Variants in DNAH3 observed in about 807,000 individuals in gnomAD.
DNAH3 encodes dynein axonemal heavy chain 3.
DNAH3 carries 332 observed loss-of-function variants against 432.5 expected under a neutral mutation model. The observed-to-expected ratio is 0.77, with a 90% CI of 0.70 to 0.84. The LOEUF (loss-of-function observed/expected upper bound fraction) is 0.84, where lower values mean the gene tolerates loss of function less well. Among genes scored for constraint, DNAH3 ranks in the 40% least tolerant of loss-of-function variants. The probability of loss-of-function intolerance (pLI) is 0.00; values close to 1 mark genes in which losing one functional copy is unlikely to be tolerated. For synonymous variants in DNAH3, 1,956 were observed against 1,900.2 expected, an observed-to-expected ratio of 1.03 and a Z score of -0.76; for missense variants, 4,861 against 5,114.0, an observed-to-expected ratio of 0.95 and a Z score of 1.51.
intron 41 of DNAH3, among the ~76,000 whole-genome samples, chr16:21,004,259 A>AT (rs2087167569): frequency 6.6e-6 from 1 of 152,182 alleles, no homozygotes; most frequent in African/African-American, 2.4e-5. Flanking sequence ...TCCTGTACGC[A>AT]TTATCCAGCC....
At chr16:20,975,400 T>C in exon 51 of DNAH3, 1 of 1,613,970 alleles carries the variant, frequency 6.2e-7, no homozygotes. Context: ...GTCAGTTCTC[T>C]TTGCATAACC....
At chr16:20,964,929 G>A in exon 53 of DNAH3, 1 of 1,614,108 alleles carries the variant, frequency 6.2e-7, no homozygotes, top group Non-Finnish European at 8.5e-7. Context: ...CCAGCTGTCG[G>A]GCAGCTTCGG....
Position 20,982,834 on chromosome 16 carries a change from C to T in DNAH3, c.7746G>A (p.Ser2582=), listed in dbSNP as rs763356860. ...AATCAATCGTACAGCAATTGATCAG[C>T]GAAGGGAACATCCGCAGGCGGTTCC... The change falls in exon 49 of 62, where the codon TCG becomes TCA. Residue 2582 remains serine, a synonymous_variant. Transcript: ENST00000261383. 10 of 1,614,030 alleles carry T rather than the reference C, an allele frequency of 6.2e-6. No individual in the cohort carries two copies. The African/African-American group carries it at 6.7e-5, about 11-fold the overall frequency.
chr16:21,125,453 T>C, intron 8 of DNAH3, 83 bp from the exon 10 acceptor site: 1 of 1,184,082 alleles, frequency 8.4e-7, no homozygotes, highest in African/African-American at 1.6e-5. Flanking sequence ...AGCTCAGTGA[T>C]GAGGCAGATG....
chr16:21,026,905 T>C, intron 38 of DNAH3, 122 bp downstream of exon 38: 1 of 648,074 alleles, frequency 1.5e-6, no homozygotes. Context: ...GAAAGAAAAA[T>C]AATAATAATG....
chr16:21,134,525 G>A, intron 6 of DNAH3, 71 bp from the exon 8 acceptor site: 2 of 1,450,656 alleles, frequency 1.4e-6, no homozygotes, highest in South Asian at 1.3e-5. Context: ...AACTCATTTA[G>A]TTTTGTTTTT....
chr16:20,992,091 C>T (rs984740875), intron 44 of DNAH3, among the ~76,000 whole-genome samples: 4 of 152,138 alleles, frequency 2.6e-5, no homozygotes, highest in Non-Finnish European at 4.4e-5. Flanking sequence ...TCCAAGATAA[C>T]GAGTTGGTTC....
chr16:20,944,717 T>A, intron 57 of DNAH3, 54 bp from the exon 58 acceptor site: 19 of 1,587,780 alleles, frequency 1.2e-5, no homozygotes, highest in Non-Finnish European at 1.6e-5. Flanking sequence ...ATCCCACAGA[T>A]GACTCCAGGC....
Position 21,024,590 on chromosome 16 carries a change from G to A in DNAH3, c.5646+6C>T, listed in dbSNP as rs1244446796. On this transcript the variant is annotated splice_donor_region_variant and intron_variant, in intron 39 of 61. Coordinates refer to ENST00000261383, the Ensembl canonical transcript of DNAH3. The stretch of plus-strand genomic sequence containing the variant: ...GGAGGGGAAGGAAAGGGTCTGAGGG[G>A]CTCACCAATTCTTTGTGCTCCTTGG... 13 of 1,600,232 alleles carry A rather than the reference G, an allele frequency of 8.1e-6. No individual in the cohort carries two copies. The Admixed American group carries it at 2.2e-4, about 27-fold the overall frequency.
intron 49 of DNAH3, among the ~76,000 whole-genome samples, chr16:20,980,196 TTATA>T (rs1446158737): frequency 1.6e-3 from 216 of 132,836 alleles, no homozygotes; most frequent in African/African-American, 6.0e-3. Context: ...TATAATTTTA[TTATA>T]TATTTATTTA....
chr16:21,106,728 T>G (rs1426924749), intron 14 of DNAH3, 54 bp from the exon 15 acceptor site: 1 of 1,337,650 alleles, frequency 7.5e-7, no homozygotes, highest in Non-Finnish European at 9.9e-7. Flanking sequence ...ATCATCACCA[T>G]CTAAAATGAC....
Position 20,960,712 on chromosome 16 carries a change from C to A in DNAH3, c.10601-1308G>T, listed in dbSNP as rs572040036. On this transcript the variant is annotated intron_variant, in intron 53 of 61. Coordinates refer to ENST00000261383, the Ensembl canonical transcript of DNAH3. ...ACAGCAAGACTCCATCTCAAACAAA[C>A]AAACAAACAAACAAAAGGCGGCCAA... 2.0e-5 allele frequency among the ~76,000 whole-genome samples: 3 copies of A among 152,218 alleles called. No individual in the cohort carries two copies. The East Asian group carries it at 5.8e-4, about 29-fold the overall frequency.
exon 31 of DNAH3, chr16:21,049,590 A>G (rs1466651919): frequency 6.2e-7 from 1 of 1,614,140 alleles, no homozygotes; most frequent in Admixed American, 1.7e-5. Context: ...TGAACTCATC[A>G]AAGCACGCCC....
Position 21,069,439 on chromosome 16 carries a change from G to C in DNAH3, c.3357C>G (p.Tyr1119Ter). 6.2e-7 allele frequency: 1 copy of C among 1,614,118 alleles called. No homozygotes were observed. The highest frequency in any genetic ancestry group is 8.5e-7 in the Non-Finnish European group (1 of 1,179,996). The change falls in exon 23 of 62, where the codon TAC (tyrosine) becomes TAG (stop). Residue 1119 changes from tyrosine to a stop codon, truncating the protein, a stop_gained. Transcript: ENST00000261383. LOFTEE classifies it high-confidence loss of function. ...CCGCTTGGGACATAAGTGATTTCCA[G>C]TAACTATCAACAATGCCAAATTTCC... is the stretch of plus-strand genomic sequence containing the variant.
At chr16:21,027,219 T>C (rs961697860) in intron 37 of DNAH3, 92 bp from the exon 38 acceptor site, 96 of 884,500 alleles carry the variant, frequency 1.1e-4, no homozygotes, top group Non-Finnish European at 7.5e-6. Context: ...GCTGGTTTGA[T>C]TCATTCCATA....
chr16:20,956,712 T>G (rs1193999514), intron 54 of DNAH3, among the ~76,000 whole-genome samples: 2 of 152,114 alleles, frequency 1.3e-5, no homozygotes, highest in African/African-American at 4.8e-5. Context: ...TAGGTTTTTT[T>G]GTTGTTTGTT....
chr16:20,942,802 G>C (rs1467045386), intron 58 of DNAH3, among the ~76,000 whole-genome samples: 1 of 152,082 alleles, frequency 6.6e-6, no homozygotes, highest in African/African-American at 2.4e-5. Flanking sequence ...GAGTGCACTG[G>C]GACTACTAGA....
At chr16:20,964,793 T>C in exon 53 of DNAH3, 5 of 1,614,108 alleles carry the variant, frequency 3.1e-6, no homozygotes, top group African/African-American at 1.3e-5. Flanking sequence ...GGGATGACCT[T>C]GTCCTTACAT....
chr16:21,104,745 A>G (rs1320816460), intron 15 of DNAH3, among the ~76,000 whole-genome samples, 151 bp from the exon 16 acceptor site: 1 of 152,234 alleles, frequency 6.6e-6, no homozygotes, highest in Non-Finnish European at 1.5e-5. Context: ...TTTGTTGAGC[A>G]CTTACTAAGG....
Sources: gnomAD v4.1 joint callset for allele counts (sites outside exome capture counted in the v4.1 genomes callset) on GRCh38, gnomAD v4.1.1 for gene constraint, MANE v1.5 for transcripts, NCBI Gene and HGNC (gene_info 2026-07-23, HGNC 2026-07-21) for gene names.